SPECC1L: variants seen among roughly 807,000 people sequenced by gnomAD.
SPECC1L encodes the protein cytospin-A.
A neutral mutation model predicts 116.8 loss-of-function variants in SPECC1L; 40 were observed. That is an observed-to-expected ratio of 0.34 (90% CI 0.27 to 0.45). The LOEUF (loss-of-function observed/expected upper bound fraction) is 0.45, where lower values mean the gene tolerates loss of function less well. Among genes scored for constraint, SPECC1L ranks in the 20% least tolerant of loss-of-function variants. The pLI is 1.00. For missense variants in SPECC1L, 1,110 were observed against 1,373.6 expected (o/e 0.81, Z 3.03); for synonymous variants, 504 against 500.6 (o/e 1.01, Z -0.09).
chr22:24,346,076 G>A (rs559785898), intron 10 of SPECC1L, among the ~76,000 whole-genome samples: 27 of 150,942 alleles, frequency 1.8e-4, no homozygotes, highest in African/African-American at 5.8e-4. Flanking sequence ...GCGCGATCTC[G>A]GCTCACTGCA....
intron 14 of SPECC1L, among the ~76,000 whole-genome samples, chr22:24,386,383 A>C (rs1181961993): frequency 6.6e-6 from 1 of 152,080 alleles, no homozygotes; most frequent in South Asian, 2.1e-4. Flanking sequence ...CCTGGGCAAC[A>C]TAGTGAGACC....
intron 2 of SPECC1L, among the ~76,000 whole-genome samples, chr22:24,300,805 T>G (rs1446001408): frequency 1.3e-5 from 2 of 152,142 alleles, no homozygotes; most frequent in Non-Finnish European, 2.9e-5. Context: ...ACCTCAGAAA[T>G]AACACCACAC....
chr22:24,412,756 A>G (rs200988374), intron 16 of SPECC1L, 49 bp downstream of exon 16: 2 of 1,590,988 alleles, frequency 1.3e-6, no homozygotes, highest in Non-Finnish European at 1.7e-6. Flanking sequence ...CTTCTGGTTA[A>G]GAAGAGTTCA....
chr22:24,322,274 A>C lies in SPECC1L; in HGVS notation c.1294A>C (p.Asn432His). The C allele has an allele frequency of 6.2e-7, 1 of 1,614,246 alleles. No homozygotes were observed. Among genetic ancestry groups the C allele is most frequent in the Non-Finnish European group, 8.5e-7 (1 of 1,180,054 alleles). The change falls in exon 5 of 17, where the codon AAT (asparagine) becomes CAT (histidine). Residue 432 changes from asparagine (N) to histidine (H), a missense_variant. This residue lies in a region of SPECC1L where 22 missense variants were observed against 60.1 expected (regional missense o/e 0.37). Coordinates refer to ENST00000314328, the MANE Select transcript of SPECC1L (RefSeq NM_015330.6). The part of the protein sequence containing the change: ...ADLQQITQEL[N>H]SENERLGEEK... ...TTTACAGCAGATTACCCAGGAACTG[A>C]ATAGTGAAAACGAAAGGCTTGGAGA...
At chr22:24,391,350 TC>T (rs1432142655) in intron 14 of SPECC1L, among the ~76,000 whole-genome samples, 3 of 152,234 alleles carry the variant, frequency 2.0e-5, no homozygotes, top group Non-Finnish European at 1.5e-5. Context: ...TTAAACATGA[TC>T]TTGATAGCTA....
intron 2 of SPECC1L, among the ~76,000 whole-genome samples, chr22:24,298,908 C>CA (rs1601516130): frequency 6.6e-6 from 1 of 152,208 alleles, no homozygotes; most frequent in East Asian, 1.9e-4. Context: ...ATGATGCAGT[C>CA]AGATTGACAC....
chr22:24,332,818 G>A (rs1295589116), intron 8 of SPECC1L, among the ~76,000 whole-genome samples: 1 of 151,898 alleles, frequency 6.6e-6, no homozygotes, highest in East Asian at 1.9e-4. Context: ...TAGTTTTAAT[G>A]TAATGGAAGA....
At chr22:24,364,720 C>G (rs1162734086) in intron 12 of SPECC1L, among the ~76,000 whole-genome samples, 2 of 150,328 alleles carry the variant, frequency 1.3e-5, no homozygotes, top group African/African-American at 4.9e-5. Context: ...TGTAATAAAG[C>G]ATGTCTTTCC....
At chr22:24,289,153 A>G (rs2049108967) in intron 2 of SPECC1L, among the ~76,000 whole-genome samples, 1 of 152,204 alleles carries the variant, frequency 6.6e-6, no homozygotes, top group African/African-American at 2.4e-5. Context: ...GTTTGAAAGG[A>G]TCCTGAATAA....
chr22:24,325,092 G>A (rs1302651769), intron 6 of SPECC1L, among the ~76,000 whole-genome samples: 2 of 152,192 alleles, frequency 1.3e-5, no homozygotes, highest in Non-Finnish European at 2.9e-5. Context: ...CAGTTTGCCT[G>A]ATCTCTAGAA....
intron 2 of SPECC1L, among the ~76,000 whole-genome samples, chr22:24,288,812 G>C (rs1248443186): frequency 3.9e-5 from 6 of 151,992 alleles, no homozygotes. Context: ...TTTTAGTAGA[G>C]ACGGGTTTTC....
chr22:24,393,281 G>A (rs955354390), intron 14 of SPECC1L, among the ~76,000 whole-genome samples: 8 of 152,200 alleles, frequency 5.3e-5, no homozygotes, highest in African/African-American at 1.7e-4. Flanking sequence ...ACCTTATGAT[G>A]CTTTTTTAAT....
At chr22:24,328,088 A>G (rs963874221) in intron 6 of SPECC1L, among the ~76,000 whole-genome samples, 1 of 152,182 alleles carries the variant, frequency 6.6e-6, no homozygotes, top group Non-Finnish European at 1.5e-5. Flanking sequence ...TAAGTCATTT[A>G]TCTCTTATGC....
chr22:24,296,980 C>G (rs1200217270), intron 2 of SPECC1L, among the ~76,000 whole-genome samples: 1 of 147,946 alleles, frequency 6.8e-6, no homozygotes, highest in African/African-American at 2.5e-5. Context: ...AAATCTTACT[C>G]TGTCACCCAG....
intron 14 of SPECC1L, among the ~76,000 whole-genome samples, chr22:24,381,954 T>G (rs963945532): frequency 4.6e-5 from 7 of 152,172 alleles, no homozygotes; most frequent in African/African-American, 1.4e-4. Context: ...GTGCTGAGTG[T>G]TTAAATAGAA....
intron 2 of SPECC1L, among the ~76,000 whole-genome samples, chr22:24,296,362 C>T (rs2049262130): frequency 6.6e-6 from 1 of 152,158 alleles, no homozygotes; most frequent in Non-Finnish European, 1.5e-5. Flanking sequence ...GGGAGCAGTG[C>T]ATCTATTTTG....
At chr22:24,307,530 T>TA (rs1319740250) in intron 3 of SPECC1L, among the ~76,000 whole-genome samples, 54 of 152,200 alleles carry the variant, frequency 3.5e-4, no homozygotes, top group Admixed American at 5.9e-4. Context: ...GAACAGCAGT[T>TA]ATTTATTTTA....
Position 24,299,287 on chromosome 22 carries a change from G to A in SPECC1L, c.-37-2908G>A, listed in dbSNP as rs114016766. On this transcript the variant is annotated intron_variant, in intron 2 of 16. Transcript: ENST00000314328. ...ATATTTTCAATAGTTTTTAAAGAAC[G>A]GGGGTGAGGCATGGTGGTTCACACT... Among the ~76,000 whole-genome samples, 621 of 152,118 alleles carry A rather than the reference G, an allele frequency of 4.1e-3. 7 individuals are homozygous for A. Among genetic ancestry groups the A allele is most frequent in the African/African-American group, 0.014 (576 of 41,504 alleles).
At chr22:24,318,869 C>T (rs961748925) in intron 4 of SPECC1L, among the ~76,000 whole-genome samples, 10 of 150,982 alleles carry the variant, frequency 6.6e-5, no homozygotes, top group African/African-American at 2.0e-4. Flanking sequence ...GTAGAGTTGC[C>T]GTGAGCTGTG....
Sources: allele counts gnomAD v4.1 joint callset (sites outside exome capture counted in the v4.1 genomes callset), GRCh38; gene constraint gnomAD v4.1.1; regional missense constraint gnomAD v4.1.1; transcripts MANE v1.5; gene names NCBI Gene and HGNC (gene_info 2026-07-23, HGNC 2026-07-21).